DGKI: variants seen among roughly 807,000 people sequenced by gnomAD.
DGKI encodes diacylglycerol kinase iota.
In DGKI, 55 loss-of-function variants were observed where a neutral mutation model predicts 147.5. The observed-to-expected ratio is 0.37, with a 90% CI of 0.30 to 0.47. DGKI has a LOEUF of 0.47. DGKI is among the 20% of genes least tolerant of loss of function. The pLI is 1.00. For synonymous variants in DGKI, 469 were observed against 477.1 expected (o/e 0.98, Z 0.22); for missense variants, 1,007 against 1,323.8 (o/e 0.76, Z 3.71).
intron 1 of DGKI, among the ~76,000 whole-genome samples, chr7:137,764,884 T>C (rs1269353753): frequency 6.6e-6 from 1 of 152,192 alleles, no homozygotes; most frequent in South Asian, 2.1e-4. Flanking sequence ...TTCTGCCCCC[T>C]ACCTATACCA....
chr7:137,704,125 C>T (rs1793927813), intron 1 of DGKI, among the ~76,000 whole-genome samples: 1 of 152,166 alleles, frequency 6.6e-6, no homozygotes, highest in Non-Finnish European at 1.5e-5. Context: ...GCAGGAGAAT[C>T]ACTTGAACCC....
intron 3 of DGKI, among the ~76,000 whole-genome samples, chr7:137,663,581 G>C (rs1289340825): frequency 1.3e-5 from 2 of 152,150 alleles, no homozygotes; most frequent in African/African-American, 2.4e-5. Flanking sequence ...AGGAGTCACT[G>C]GGCTCAGGGC....
In DGKI at chr7:137,503,732, A is replaced by G. The variant is rs540114693; in HGVS notation, c.2249-16043T>C. Among the ~76,000 whole-genome samples, 5 of 152,232 alleles carry G rather than the reference A, an allele frequency of 3.3e-5. No homozygotes were observed. In the South Asian group the frequency reaches 1.0e-3, roughly 32 times the overall value. On this transcript the variant is annotated intron_variant, in intron 21 of 32. Transcript: ENST00000614521. Reference sequence around the variant, plus strand: ...TTAGCTTCCCCTTGGTTCTTTTACAATATAGTATGTAAAGGCCCAATGTAC... The same window carrying G: ...TTAGCTTCCCCTTGGTTCTTTTACAGTATAGTATGTAAAGGCCCAATGTAC...
intron 2 of DGKI, among the ~76,000 whole-genome samples, chr7:137,679,824 C>CAA (rs1823169173): frequency 2.0e-5 from 3 of 151,390 alleles, no homozygotes; most frequent in Non-Finnish European, 4.4e-5. Context: ...CTCATCTCAA[C>CAA]TAAAAAAATA....
intron 28 of DGKI, among the ~76,000 whole-genome samples, chr7:137,425,265 T>A (rs1239074841): frequency 6.6e-6 from 1 of 152,242 alleles, no homozygotes; most frequent in Non-Finnish European, 1.5e-5. Context: ...CTGCAGCGAC[T>A]GCTGCTGATA....
chr7:137,626,364 C>T (rs913017380), intron 6 of DGKI, among the ~76,000 whole-genome samples: 2 of 148,572 alleles, frequency 1.3e-5, no homozygotes, highest in African/African-American at 2.5e-5. Context: ...CACACACACA[C>T]GGACTTAAGT....
intron 1 of DGKI, among the ~76,000 whole-genome samples, chr7:137,820,825 C>G (rs1797874053): frequency 1.3e-5 from 2 of 152,116 alleles, no homozygotes; most frequent in South Asian, 4.1e-4. Flanking sequence ...GAGACCAGAC[C>G]AGCCTCTCAG....
At chr7:137,686,498 G>A (rs192853348) in intron 2 of DGKI, among the ~76,000 whole-genome samples, 1 of 152,334 alleles carries the variant, frequency 6.6e-6, no homozygotes, top group East Asian at 1.9e-4. Flanking sequence ...ATGTGGGACA[G>A]AGAATCCTAA....
intron 1 of DGKI, among the ~76,000 whole-genome samples, chr7:137,773,121 G>A (rs772769779): frequency 3.6e-4 from 55 of 152,288 alleles, no homozygotes; most frequent in Admixed American, 1.2e-3. Context: ...TCTACAAACT[G>A]TGTACCAAAG....
At chr7:137,592,013 CACTT>C (rs1819634971) in intron 12 of DGKI, among the ~76,000 whole-genome samples, 1 of 152,220 alleles carries the variant, frequency 6.6e-6, no homozygotes, top group South Asian at 2.1e-4. Context: ...AACAAATACA[CACTT>C]ACAATAGCAG....
At chr7:137,650,595 C>T (rs1821990323) in intron 5 of DGKI, among the ~76,000 whole-genome samples, 2 of 152,060 alleles carry the variant, frequency 1.3e-5, no homozygotes, top group Admixed American at 1.3e-4. Flanking sequence ...CAATCAGGCT[C>T]CTTATAAAAG....
chr7:137,442,497 C>T (rs1043956365), intron 28 of DGKI, among the ~76,000 whole-genome samples: 3 of 152,140 alleles, frequency 2.0e-5, no homozygotes, highest in African/African-American at 7.2e-5. Flanking sequence ...AAAATAAAAA[C>T]CAAACACAAG....
intron 20 of DGKI, among the ~76,000 whole-genome samples, chr7:137,543,516 T>C (rs1416216483): frequency 6.6e-6 from 1 of 152,028 alleles, no homozygotes; most frequent in African/African-American, 2.4e-5. Flanking sequence ...ACTCCATTCC[T>C]GGAGAAAAAG....
chr7:137,791,843 A>T (rs527951352), intron 1 of DGKI, among the ~76,000 whole-genome samples: 1 of 152,340 alleles, frequency 6.6e-6, no homozygotes, highest in African/African-American at 2.4e-5. Context: ...CCTCACTTCA[A>T]TTATGCTGTC....
intron 28 of DGKI, among the ~76,000 whole-genome samples, chr7:137,414,065 T>A (rs947577536): frequency 6.6e-6 from 1 of 152,214 alleles, no homozygotes; most frequent in Non-Finnish European, 1.5e-5. Flanking sequence ...TAGTCTCTCA[T>A]ACAGAGTTAG....
chr7:137,569,772 A>AG (rs1818731266), intron 19 of DGKI, among the ~76,000 whole-genome samples: 3 of 133,566 alleles, frequency 2.2e-5, no homozygotes, highest in African/African-American at 9.2e-5. Context: ...AAAAAAAAAA[A>AG]GAATTCTTCC....
intron 12 of DGKI, among the ~76,000 whole-genome samples, chr7:137,588,110 G>T (rs901285838): frequency 3.0e-4 from 46 of 152,146 alleles, no homozygotes; most frequent in Admixed American, 2.9e-3. Context: ...AAGAAGAGAT[G>T]ATTGCTTTAA....
In DGKI at chr7:137,521,960, C is replaced by T; in HGVS notation, c.2154G>A (p.Gln718=). ...RTSMPLLNDP[Q]SVPDRLRIRV... ...GGATCCTCAGACGATCTGGGACAGA[C>T]TGGGGACTGCAAAACAAGAACCGAG... Residue 718 remains glutamine (Q), a synonymous_variant, in exon 21 of 33, where the codon CAG becomes CAA. Coordinates refer to ENST00000614521, the MANE Select transcript of DGKI (RefSeq NM_001321708.2). The T allele has an allele frequency of 6.2e-7, 1 of 1,609,892 alleles. No homozygotes were observed. Among genetic ancestry groups the T allele is most frequent in the Non-Finnish European group, 8.5e-7 (1 of 1,177,832 alleles).
At chr7:137,629,109 C>T (rs1429085667) in intron 6 of DGKI, among the ~76,000 whole-genome samples, 1 of 151,828 alleles carries the variant, frequency 6.6e-6, no homozygotes, top group Non-Finnish European at 1.5e-5. Context: ...CAAAGTATTA[C>T]AAAGGACAAA....
Sources: gnomAD v4.1 joint callset for allele counts (sites outside exome capture counted in the v4.1 genomes callset) on GRCh38, gnomAD v4.1.1 for gene constraint, MANE v1.5 for transcripts, NCBI Gene and HGNC (gene_info 2026-07-23, HGNC 2026-07-21) for gene names.